Variants in ACSM2B observed in about 807,000 individuals in gnomAD.
The protein encoded by ACSM2B is acyl-CoA synthetase medium chain family member 2B.
ACSM2B carries 58 observed loss-of-function variants against 78.6 expected under a neutral mutation model. That is an observed-to-expected ratio of 0.74 (90% CI 0.60 to 0.92). The LOEUF (loss-of-function observed/expected upper bound fraction) is 0.92. ACSM2B is among the 40% of genes least tolerant of loss of function. The pLI is 0.00. For synonymous variants in ACSM2B, 257 were observed against 256.8 expected (o/e 1.00, Z -0.01); for missense variants, 688 against 711.2 (o/e 0.97, Z 0.37).
Position 20,540,509 on chromosome 16 carries a change from C to T in ACSM2B, c.1629+145G>A, listed in dbSNP as rs1596702117. 3.6e-6 allele frequency: 5 copies of T among 1,406,314 alleles called. No individual in the cohort carries two copies. The East Asian group carries it at 1.3e-4, about 36-fold the overall frequency. 87.1% of individuals were successfully genotyped at this position (1,406,314 alleles called of 1,614,324 possible). A position where few individuals can be genotyped will look rare whatever the true frequency, so the allele number is the denominator to read the frequency against. On this transcript the variant is annotated intron_variant, in intron 13 of 13. Transcript: ENST00000329697. ...CCACCCGCCTTGGCCTTCCAAAGTG[C>T]TGGGATTGCAGGTGTCAGCCACCAT...
intron 6 of ACSM2B, among the ~76,000 whole-genome samples, chr16:20,551,167 G>T (rs1348463810): frequency 1.3e-5 from 2 of 152,114 alleles, no homozygotes; most frequent in Non-Finnish European, 2.9e-5. Flanking sequence ...GATATCAAAC[G>T]AAGGATTAAC....
At chr16:20,559,211 C>T (rs2015565343) in intron 3 of ACSM2B, 26 bp downstream of exon 3, 2 of 1,541,358 alleles carry the variant, frequency 1.3e-6, no homozygotes, top group Non-Finnish European at 1.7e-6. Flanking sequence ...GAAGACAGTT[C>T]TCTGTCCAGG....
intron 6 of ACSM2B, chr16:20,549,992 GT>G: frequency 3.7e-6 from 1 of 271,100 alleles, no homozygotes; most frequent in Non-Finnish European, 7.2e-6. Context: ...GACAGAATAG[GT>G]TTTAATTTTT....
In ACSM2B at chr16:20,545,246, T is replaced by C; in HGVS notation, c.1192A>G (p.Lys398Glu). 1 of 1,613,620 alleles carries C rather than the reference T, an allele frequency of 6.2e-7. No homozygotes were observed. Residue 398 changes from lysine to glutamate, a missense_variant, in exon 10 of 14, where the codon AAG becomes GAG. Lys to Glu is a moderately conservative substitution (Grantham distance 56). Transcript: ENST00000329697. Reference protein sequence around the residue: ...SCYDVQVIDDKGNVLPPGTEG... With the variant: ...SCYDVQVIDDEGNVLPPGTEG... The stretch of plus-strand genomic sequence containing the variant: ...GTGCCGGGGGGCAGGACGTTGCCCT[T>C]ATCATCTATAACCTGGAGAAAGAAG...
At chr16:20,575,508 C>G (rs2016222237) in intron 1 of ACSM2B, 1 of 151,874 alleles carries the variant, frequency 6.6e-6, no homozygotes, top group South Asian at 2.1e-4. Flanking sequence ...AACCTGGAGT[C>G]TGATGTTCAA....
intron 1 of ACSM2B, among the ~76,000 whole-genome samples, chr16:20,565,175 C>A (rs1376255165): frequency 6.6e-6 from 1 of 152,160 alleles, no homozygotes; most frequent in Non-Finnish European, 1.5e-5. Flanking sequence ...TTGTTCCCAG[C>A]AATTCACTCC....
chr16:20,571,277 T>A (rs1410937656), intron 1 of ACSM2B, among the ~76,000 whole-genome samples: 1 of 152,020 alleles, frequency 6.6e-6, no homozygotes, highest in African/African-American at 2.4e-5. Flanking sequence ...GTCACTATTG[T>A]CCTTCAGTGT....
intron 5 of ACSM2B, among the ~76,000 whole-genome samples, chr16:20,552,935 C>A (rs1044971230): frequency 6.6e-6 from 1 of 152,086 alleles, no homozygotes; most frequent in Admixed American, 6.5e-5. Context: ...GGTCATAGTA[C>A]AAGACTTCTC....
Position 20,548,455 on chromosome 16 carries a change from T to C in ACSM2B, c.913A>G (p.Ile305Val), listed in dbSNP as rs80135299. 7.5e-3 allele frequency: 12,050 copies of C among 1,612,000 alleles called. 1,009 individuals carry two copies. The African/African-American group carries it at 0.14, about 19-fold the overall frequency. Residue 305 changes from isoleucine (I) to valine (V), a missense_variant, in exon 7 of 14, where the codon ATC (isoleucine) becomes GTC (valine). By Grantham distance (29) the Ile-to-Val change is conservative. Coordinates refer to ENST00000329697, the MANE Select transcript of ACSM2B (RefSeq NM_001105069.2). The stretch of plus-strand genomic sequence containing the variant: ...ATAGGGGCACCCATCATACTCTTGA[T>C]TGGATAACTGGAGAGTGTCTGGAAG... ...VILKTLSSYP[I>V]KSMMGAPIVY...
At chr16:20,568,891 G>T (rs2016011859) in intron 1 of ACSM2B, among the ~76,000 whole-genome samples, 1 of 151,368 alleles carries the variant, frequency 6.6e-6, no homozygotes, top group South Asian at 2.1e-4. Flanking sequence ...CTTAGCCCAC[G>T]TTTTTTATGG....
At chr16:20,568,922 C>T (rs2016013037) in intron 1 of ACSM2B, among the ~76,000 whole-genome samples, 1 of 151,448 alleles carries the variant, frequency 6.6e-6, no homozygotes, top group South Asian at 2.1e-4. Flanking sequence ...GCTTTTTTTA[C>T]TTGCTAATTT....
intron 9 of ACSM2B, among the ~76,000 whole-genome samples, chr16:20,546,061 T>C (rs527803445): frequency 6.6e-6 from 1 of 152,140 alleles, no homozygotes; most frequent in Non-Finnish European, 1.5e-5. Context: ...TCGTTACCTA[T>C]ATTGTTAAAT....
rs558469975 is a variant in ACSM2B at position 20,540,639 on chromosome 16, G to C, written c.1629+15C>G. ...TTTCTCAAGTTTGAGTGACTTGGGA[G>C]CTCAAAGGCCTTACCTTTCTTGGGT... On this transcript the variant is annotated intron_variant, in intron 13 of 13. Transcript: ENST00000329697. 29 of 1,612,488 alleles carry C rather than the reference G, an allele frequency of 1.8e-5. No individual in the cohort carries two copies. Among genetic ancestry groups the C allele is most frequent in the Middle Eastern group, 1.6e-4 (1 of 6,078 alleles).
chr16:20,542,963 G>T lies in ACSM2B; in HGVS notation c.1460C>A (p.Ala487Asp), dbSNP rs761525079. Residue 487 changes from alanine (A) to aspartate (D), a missense_variant, in exon 12 of 14, where the codon GCT (alanine) becomes GAT (aspartate). Transcript: ENST00000329697. ...GCTGATCACAGCCGTCTCAACCACA[G>T]CAGGGTGCTTCATCAGTGCATTCTC... is the stretch of plus-strand genomic sequence containing the variant. ...EVENALMKHP[A>D]VVETAVISSP... 6 of 1,613,538 alleles carry T rather than the reference G, an allele frequency of 3.7e-6. No individual in the cohort carries two copies. Among genetic ancestry groups the T allele is most frequent in the Non-Finnish European group, 5.1e-6 (6 of 1,179,866 alleles).
chr16:20,543,150 A>G lies in ACSM2B; in HGVS notation c.1394T>C (p.Ile465Thr), dbSNP rs1156308484. The G allele has an allele frequency of 4.3e-6, 7 of 1,613,718 alleles. No individual in the cohort carries two copies. ...CCAAGCTCACCCGCTGGAGTTAATG[A>G]TATCATCTGCCCGTCCCATAAACTG... The part of the protein sequence containing the change: ...YFQFMGRADD[I>T]INSSGYRIGP... The change falls in exon 11 of 14, where the codon ATC becomes ACC. Residue 465 changes from isoleucine (I) to threonine (T), a missense_variant. Physicochemically the swap from Ile to Thr is moderately conservative, Grantham distance 89. Coordinates refer to ENST00000329697, the MANE Select transcript of ACSM2B (RefSeq NM_001105069.2).
intron 6 of ACSM2B, among the ~76,000 whole-genome samples, chr16:20,551,421 T>C (rs1461791417): frequency 6.6e-6 from 1 of 151,926 alleles, no homozygotes; most frequent in Non-Finnish European, 1.5e-5. Flanking sequence ...AGTGTCTTTA[T>C]TTTTAAAAAG....
At chr16:20,549,986 G>T (rs192016941) in intron 6 of ACSM2B, 2 of 280,048 alleles carry the variant, frequency 7.1e-6, no homozygotes, top group Non-Finnish European at 1.4e-5. Flanking sequence ...TTTTTAGACA[G>T]AATAGGTTTT....
chr16:20,567,261 T>TA (rs1269060781), intron 1 of ACSM2B, among the ~76,000 whole-genome samples: 11 of 127,414 alleles, frequency 8.6e-5, no homozygotes, highest in Non-Finnish European at 1.6e-4. Context: ...ATATATAATA[T>TA]ATAGTATAAT....
At position 20,566,980 on chromosome 16, in the gene ACSM2B, C is replaced by A. The variant is rs987462392; in HGVS notation, c.-8-2127G>T. On this transcript the variant is annotated intron_variant, in intron 1 of 13. Transcript: ENST00000329697. Reference sequence around the variant, plus strand: ...TATATTATATATTATATATTATATACTGTTATATATTATATATATCTGTGT... The same window carrying A: ...TATATTATATATTATATATTATATAATGTTATATATTATATATATCTGTGT... 2.4e-3 allele frequency among the ~76,000 whole-genome samples: 278 copies of A among 117,738 alleles called. 2 individuals carry two copies. The highest frequency in any genetic ancestry group is 3.7e-3 in the Non-Finnish European group (222 of 59,592). The allele number at this position is 117,738 out of a possible 152,430, so 77.2% of individuals were successfully genotyped here. A position where few individuals can be genotyped will look rare whatever the true frequency, so the allele number is the denominator to read the frequency against.
Sources: gnomAD v4.1 joint callset for allele counts (sites outside exome capture counted in the v4.1 genomes callset) on GRCh38, gnomAD v4.1.1 for gene constraint, MANE v1.5 for transcripts, NCBI Gene and HGNC (gene_info 2026-07-23, HGNC 2026-07-21) for gene names.